Variants in ADAMTS12 observed in about 807,000 individuals in gnomAD.
ADAMTS12 encodes the protein ADAM metallopeptidase with thrombospondin type 1 motif 12.
Under a neutral mutation model 167.8 loss-of-function variants are expected in ADAMTS12, and 118 were observed. That is an observed-to-expected ratio of 0.70 (90% CI 0.61 to 0.82). The LOEUF (loss-of-function observed/expected upper bound fraction) is 0.82. Among genes scored for constraint, ADAMTS12 ranks in the 40% least tolerant of loss-of-function variants. The probability of loss-of-function intolerance (pLI) is 0.00; values close to 1 mark genes in which losing one functional copy is unlikely to be tolerated. For missense variants in ADAMTS12, 1,916 were observed against 1,998.8 expected (o/e 0.96, Z 0.79); for synonymous variants, 704 against 716.9 (o/e 0.98, Z 0.29).
chr5:33,883,914 T>TGTGG (rs1400077473), intron 1 of ADAMTS12, among the ~76,000 whole-genome samples: 3 of 152,144 alleles, frequency 2.0e-5, no homozygotes. Context: ...AGAGAGAAAC[T>TGTGG]GTGGGTGGGT....
At chr5:33,573,709 C>T (rs911846967) in intron 19 of ADAMTS12, among the ~76,000 whole-genome samples, 3 of 152,090 alleles carry the variant, frequency 2.0e-5, no homozygotes, top group African/African-American at 4.8e-5. Flanking sequence ...GTCTAAAATA[C>T]CAAAAGCAAT....
chr5:33,795,126 T>C (rs1746724550), intron 2 of ADAMTS12, among the ~76,000 whole-genome samples: 1 of 152,328 alleles, frequency 6.6e-6, no homozygotes, highest in East Asian at 1.9e-4. Context: ...CTGGAAATAA[T>C]TTCTCTATAG....
intron 16 of ADAMTS12, among the ~76,000 whole-genome samples, chr5:33,613,401 T>G (rs1738828606): frequency 6.6e-6 from 1 of 152,168 alleles, no homozygotes; most frequent in African/African-American, 2.4e-5. Context: ...TCCTCAAATG[T>G]CCACGTACCC....
At chr5:33,595,509 G>A (rs1446629096) in intron 17 of ADAMTS12, among the ~76,000 whole-genome samples, 1 of 152,188 alleles carries the variant, frequency 6.6e-6, no homozygotes, top group Non-Finnish European at 1.5e-5. Flanking sequence ...GGGAAAACCT[G>A]CTCTCTGAGC....
At chr5:33,864,079 T>A (rs1749721559) in intron 2 of ADAMTS12, among the ~76,000 whole-genome samples, 1 of 152,156 alleles carries the variant, frequency 6.6e-6, no homozygotes, top group South Asian at 2.1e-4. Flanking sequence ...GACTTCAATG[T>A]TAGACCTAAA....
intron 3 of ADAMTS12, among the ~76,000 whole-genome samples, chr5:33,741,837 A>G (rs942728814): frequency 6.6e-6 from 1 of 152,166 alleles, no homozygotes; most frequent in Non-Finnish European, 1.5e-5. Flanking sequence ...CATGTTGGCC[A>G]GGATGGTCTC....
chr5:33,615,886 T>C lies in ADAMTS12; in HGVS notation c.2330A>G (p.Lys777Arg), dbSNP rs777733265. 6 of 1,614,150 alleles carry C rather than the reference T, an allele frequency of 3.7e-6. No individual in the cohort carries two copies. Among genetic ancestry groups the C allele is most frequent in the Non-Finnish European group, 5.1e-6 (6 of 1,180,006 alleles). Residue 777 changes from lysine to arginine, a missense_variant, in exon 15 of 24, where the codon AAA becomes AGA. By Grantham distance (26) the Lys-to-Arg change is conservative (BLOSUM62 2). Transcript: ENST00000504830. ...GGCCATCAGCTTTTCCAGGTCTCCT[T>C]TCCTGTCATACTGAAAGACAGTCCC... is the stretch of plus-strand genomic sequence containing the variant. ...LAGTVFQYDR[K>R]GDLEKLMATG...
intron 3 of ADAMTS12, among the ~76,000 whole-genome samples, chr5:33,690,838 T>C (rs1742523765): frequency 6.6e-6 from 1 of 152,182 alleles, no homozygotes. Context: ...CCACACACTT[T>C]TTTCCGTTCC....
chr5:33,593,307 C>T (rs558966606), intron 17 of ADAMTS12, among the ~76,000 whole-genome samples: 16 of 152,202 alleles, frequency 1.1e-4, no homozygotes, highest in Middle Eastern at 3.4e-3. Flanking sequence ...AGTACTGAAA[C>T]CTGCTTATCC....
chr5:33,739,590 G>A (rs559367400), intron 3 of ADAMTS12, among the ~76,000 whole-genome samples: 4 of 152,202 alleles, frequency 2.6e-5, no homozygotes, highest in Admixed American at 6.5e-5. Flanking sequence ...CTCTCTCCCC[G>A]ACAGATATTA....
chr5:33,790,593 C>G lies in ADAMTS12; in HGVS notation c.490-39045G>C, dbSNP rs532276884. Among the ~76,000 whole-genome samples, 4 of 150,514 alleles carry G rather than the reference C, an allele frequency of 2.7e-5. No individual in the cohort carries two copies. In the East Asian group the frequency reaches 7.8e-4, roughly 29 times the overall value. On this transcript the variant is annotated intron_variant, in intron 2 of 23. Transcript: ENST00000504830. ...AAAAGAAAAAAGAAAAAAGAATGTC[C>G]CACATATGGATTTGTCTGTTGCTTT...
chr5:33,853,755 T>C (rs1749302827), intron 2 of ADAMTS12, among the ~76,000 whole-genome samples: 1 of 152,240 alleles, frequency 6.6e-6, no homozygotes, highest in Admixed American at 6.5e-5. Flanking sequence ...TTAGTGTCTG[T>C]GTTTAATGGG....
At chr5:33,622,013 T>C (rs1301142559) in intron 14 of ADAMTS12, among the ~76,000 whole-genome samples, 1 of 151,966 alleles carries the variant, frequency 6.6e-6, no homozygotes, top group Non-Finnish European at 1.5e-5. Context: ...TAGAAGCTGG[T>C]GGAAAGGAAT....
intron 3 of ADAMTS12, among the ~76,000 whole-genome samples, chr5:33,744,912 C>G (rs774146203): frequency 5.9e-5 from 9 of 152,186 alleles, no homozygotes; most frequent in Non-Finnish European, 1.3e-4. Context: ...TCTCCCAGCC[C>G]AAGCAATCCT....
At chr5:33,836,128 A>G (rs1378579871) in intron 2 of ADAMTS12, among the ~76,000 whole-genome samples, 2 of 152,200 alleles carry the variant, frequency 1.3e-5, no homozygotes, top group African/African-American at 4.8e-5. Context: ...CCTCAAGTGA[A>G]AAAGCCCAAT....
At chr5:33,824,149 A>G (rs11749356) in intron 2 of ADAMTS12, among the ~76,000 whole-genome samples, 11,730 of 152,282 alleles carry the variant, frequency 0.077, 654 homozygotes, top group Non-Finnish European at 0.11. Flanking sequence ...CATAACAAGC[A>G]CTAAGATATC....
intron 22 of ADAMTS12, among the ~76,000 whole-genome samples, chr5:33,544,303 A>T (rs551305376): frequency 6.6e-6 from 1 of 152,212 alleles, no homozygotes; most frequent in Non-Finnish European, 1.5e-5. Flanking sequence ...CCAACTTACA[A>T]GGTATGTGAT....
At chr5:33,759,811 C>G (rs755252653) in intron 2 of ADAMTS12, among the ~76,000 whole-genome samples, 3 of 152,138 alleles carry the variant, frequency 2.0e-5, no homozygotes, top group African/African-American at 7.2e-5. Context: ...GAGCTGCTCC[C>G]ACAGATTCAC....
At chr5:33,575,225 G>A (rs566153601) in intron 19 of ADAMTS12, among the ~76,000 whole-genome samples, 1 of 152,144 alleles carries the variant, frequency 6.6e-6, no homozygotes, top group African/African-American at 2.4e-5. Context: ...GATATGGCGA[G>A]CTATACAATT....
Sources: gnomAD v4.1 joint callset for allele counts (sites outside exome capture counted in the v4.1 genomes callset) on GRCh38, gnomAD v4.1.1 for gene constraint, MANE v1.5 for transcripts, NCBI Gene and HGNC (gene_info 2026-07-23, HGNC 2026-07-21) for gene names.